Variants in TMEM87B observed in about 807,000 individuals in gnomAD.
The protein encoded by TMEM87B is transmembrane protein 87B.
In TMEM87B, 83 loss-of-function variants were observed where a neutral mutation model predicts 80.3. The observed-to-expected ratio is 1.03, with a 90% CI of 0.87 to 1.24. The LOEUF (loss-of-function observed/expected upper bound fraction) is 1.24, where lower values mean the gene tolerates loss of function less well. Ranked by LOEUF, TMEM87B falls within the 50% of genes most tolerant of loss-of-function variation. TMEM87B has a pLI of 0.00. For missense variants in TMEM87B, 625 were observed against 674.4 expected, an observed-to-expected ratio of 0.93 and a Z score of 0.81; for synonymous variants, 219 against 230.5, an observed-to-expected ratio of 0.95 and a Z score of 0.45.
chr2:112,060,027 C>G lies in TMEM87B; in HGVS notation c.216C>G (p.Ile72Met). Residue 72 changes from isoleucine to methionine, a missense_variant, in exon 2 of 19, where the codon ATC becomes ATG. Ile to Met is a conservative substitution (Grantham distance 10, BLOSUM62 1). Coordinates refer to ENST00000283206, the MANE Select transcript of TMEM87B (RefSeq NM_032824.3). ...AAACTATGTTTAACTCTACAGATATCAAGTTATCTGGTAAGTATAATAAAA... is the reference window on the plus strand; with the variant it reads ...AAACTATGTTTAACTCTACAGATATGAAGTTATCTGGTAAGTATAATAAAA... The part of the protein sequence containing the change: ...FRKTMFNSTD[I>M]KLSVKSFHCS... 1 of 1,587,728 alleles carries G rather than the reference C, an allele frequency of 6.3e-7. No homozygotes were observed. Among genetic ancestry groups the G allele is most frequent in the South Asian group, 1.1e-5 (1 of 89,614 alleles).
At chr2:112,078,446 A>G (rs1678886531) in intron 6 of TMEM87B, among the ~76,000 whole-genome samples, 2 of 152,184 alleles carry the variant, frequency 1.3e-5, no homozygotes, top group Non-Finnish European at 2.9e-5. Flanking sequence ...TGGAGGCAGA[A>G]GAGCAAAGAA....
At chr2:112,070,684 T>TA (rs1363632687) in intron 4 of TMEM87B, among the ~76,000 whole-genome samples, 1 of 152,198 alleles carries the variant, frequency 6.6e-6, no homozygotes, top group Non-Finnish European at 1.5e-5. Context: ...ATATGAATTT[T>TA]AAAATAGTTT....
At chr2:112,071,961 A>G (rs1485461318) in intron 4 of TMEM87B, among the ~76,000 whole-genome samples, 1 of 152,182 alleles carries the variant, frequency 6.6e-6, no homozygotes, top group African/African-American at 2.4e-5. Context: ...TGTTCCCTCA[A>G]TACCTAGTTT....
chr2:112,073,218 T>C (rs1678710729), intron 4 of TMEM87B, among the ~76,000 whole-genome samples: 1 of 152,168 alleles, frequency 6.6e-6, no homozygotes, highest in African/African-American at 2.4e-5. Context: ...AAGATCTTTT[T>C]AACTTTTCAC....
intron 5 of TMEM87B, among the ~76,000 whole-genome samples, chr2:112,075,755 C>T (rs952406726): frequency 3.9e-5 from 6 of 152,186 alleles, no homozygotes; most frequent in African/African-American, 1.4e-4. Flanking sequence ...TATGACTCTT[C>T]ATGTTTTCTC....
rs1641285963 is a variant in TMEM87B, at chr2:112,117,018, C to T, written c.*875C>T. On this transcript the variant is annotated 3_prime_UTR_variant, in exon 19 of 19. Coordinates refer to ENST00000283206, the MANE Select transcript of TMEM87B (RefSeq NM_032824.3). ...TCTTTTACATAATCTTGGCATATTA[C>T]ATTTCATAATAAAAACATACATTTA... 2 of 152,426 alleles carry T rather than the reference C, an allele frequency of 1.3e-5. No individual in the cohort carries two copies. The highest frequency in any genetic ancestry group is 6.5e-5 in the Admixed American group (1 of 15,278). 9.4% of individuals were successfully genotyped at this position (152,426 alleles called of 1,614,324 possible).
chr2:112,082,739 T>A (rs1679035685), intron 8 of TMEM87B, among the ~76,000 whole-genome samples: 1 of 151,594 alleles, frequency 6.6e-6, no homozygotes, highest in African/African-American at 2.4e-5. Flanking sequence ...GATCTGCTGC[T>A]TAGAATTGAA....
intron 11 of TMEM87B, among the ~76,000 whole-genome samples, chr2:112,094,950 T>C (rs1316077164): frequency 4.6e-5 from 7 of 151,726 alleles, no homozygotes; most frequent in Non-Finnish European, 4.4e-5. Context: ...CAGAACTAAA[T>C]ACGTATACAA....
rs771442320 is a variant in TMEM87B at position 112,116,190 on chromosome 2, C to G, written c.*47C>G. 2.0e-6 allele frequency: 3 copies of G among 1,517,844 alleles called. No homozygotes were observed. The African/African-American group carries it at 4.1e-5, about 21-fold the overall frequency. The allele number at this position is 1,517,844 out of a possible 1,614,324, so 94.0% of individuals were successfully genotyped here. ...TAGTTAAGCCTGAAGGACTATCCTT[C>G]ATCAAGACTGAAAGTGAGCTTTGAT... On this transcript the variant is annotated 3_prime_UTR_variant, in exon 19 of 19. Transcript: ENST00000283206.
intron 18 of TMEM87B, among the ~76,000 whole-genome samples, chr2:112,115,421 T>G (rs912591878): frequency 2.1e-5 from 3 of 141,036 alleles, no homozygotes; most frequent in African/African-American, 8.3e-5. Context: ...CAGAAAGATG[T>G]AGCATTACAG....
rs142713094 is a variant in TMEM87B, at chr2:112,058,445, T to G, written c.166-1532T>G. 4.3e-3 allele frequency among the ~76,000 whole-genome samples: 656 copies of G among 152,328 alleles called. 5 individuals are homozygous for G. The highest frequency in any genetic ancestry group is 0.013 in the African/African-American group (558 of 41,568). On this transcript the variant is annotated intron_variant, in intron 1 of 18. Transcript: ENST00000283206. Reference sequence around the variant, plus strand: ...CCATTCTGAAGAGGGCAGCTGCCATTTGGCTTCAGCTTACTCTGCATACAT... The same window carrying G: ...CCATTCTGAAGAGGGCAGCTGCCATGTGGCTTCAGCTTACTCTGCATACAT...
chr2:112,082,131 T>A (rs1573703191), intron 8 of TMEM87B, among the ~76,000 whole-genome samples: 1 of 152,114 alleles, frequency 6.6e-6, no homozygotes, highest in Non-Finnish European at 1.5e-5. Flanking sequence ...GCCAGAGAAG[T>A]AAAGGTACAA....
chr2:112,072,401 C>T (rs1473363482), intron 4 of TMEM87B, among the ~76,000 whole-genome samples: 1 of 152,194 alleles, frequency 6.6e-6, no homozygotes, highest in Non-Finnish European at 1.5e-5. Flanking sequence ...GTGAATCCAT[C>T]TGGTCTTCGG....
At chr2:112,056,152 C>T (rs1167639558) in intron 1 of TMEM87B, among the ~76,000 whole-genome samples, 1 of 152,108 alleles carries the variant, frequency 6.6e-6, no homozygotes, top group East Asian at 1.9e-4. Context: ...TGGGCCACAC[C>T]CCTGAGGCCG....
At chr2:112,079,412 G>A (rs1678919825) in intron 6 of TMEM87B, among the ~76,000 whole-genome samples, 1 of 152,138 alleles carries the variant, frequency 6.6e-6, no homozygotes, top group Non-Finnish European at 1.5e-5. Context: ...GTGTTTTCCA[G>A]TTCCATCCAT....
chr2:112,076,592 G>A (rs1048818793), intron 5 of TMEM87B, among the ~76,000 whole-genome samples: 16 of 151,870 alleles, frequency 1.1e-4, no homozygotes, highest in Admixed American at 6.6e-5. Context: ...CACCCACCTC[G>A]GCCTCCCAAA....
At chr2:112,098,542 C>T in intron 13 of TMEM87B, 53 bp from the exon 14 acceptor site, 1 of 1,533,126 alleles carries the variant, frequency 6.5e-7, no homozygotes. Flanking sequence ...AATGGGAAAC[C>T]TATATGCTTA....
intron 13 of TMEM87B, 130 bp downstream of exon 13, chr2:112,097,421 T>C: frequency 1.1e-6 from 1 of 898,704 alleles, no homozygotes; most frequent in Middle Eastern, 3.6e-4. Context: ...TTGAACTATT[T>C]TTTACAGAGT....
intron 4 of TMEM87B, among the ~76,000 whole-genome samples, chr2:112,074,091 A>T (rs1320272705): frequency 1.3e-5 from 2 of 152,006 alleles, no homozygotes; most frequent in Non-Finnish European, 2.9e-5. Flanking sequence ...TAGTGTTGAC[A>T]TTGTGGGTTT....
Sources: gnomAD v4.1 joint callset for allele counts (sites outside exome capture counted in the v4.1 genomes callset) on GRCh38, gnomAD v4.1.1 for gene constraint, MANE v1.5 for transcripts, NCBI Gene and HGNC (gene_info 2026-07-23, HGNC 2026-07-21) for gene names.